The following SPG11 variants were observed in gnomAD, a reference collection of about 807,000 sequenced individuals.
The protein encoded by SPG11 is SPG11 vesicle trafficking associated, spatacsin.
In SPG11, 222 loss-of-function variants were observed where a neutral mutation model predicts 274.0. That is an observed-to-expected ratio of 0.81 (90% confidence interval 0.73 to 0.91). The LOEUF is 0.91. SPG11 is among the 40% of genes least tolerant of loss of function. SPG11 has a pLI of 0.00. For missense variants in SPG11, 3,114 were observed against 2,872.7 expected, an observed-to-expected ratio of 1.08 and a Z score of -1.92; for synonymous variants, 1,144 against 1,039.7, an observed-to-expected ratio of 1.10 and a Z score of -1.93.
At chr15:44,564,488 T>TTGTC in intron 39 of SPG11, 59 bp downstream of exon 39, 1 of 1,579,150 alleles carries the variant, frequency 6.3e-7, no homozygotes, top group Non-Finnish European at 8.7e-7. Context: ...ATTCTTACAC[T>TTGTC]TGTCTCACCT....
rs115223216 is a variant in SPG11, at chr15:44,621,622, C to T, written c.2620+137G>A. 678 of 837,222 alleles carry T rather than the reference C, an allele frequency of 8.1e-4. 2 individuals are homozygous for T. In the African/African-American group the frequency reaches 9.9e-3, roughly 12 times the overall value. The allele number at this position is 837,222 out of a possible 1,614,324, so 51.9% of individuals were successfully genotyped here. A position where few individuals can be genotyped will look rare whatever the true frequency, so the allele number is the denominator to read the frequency against. On this transcript the variant is annotated intron_variant, in intron 14 of 39. Transcript: ENST00000261866. ...AGATAAGAAAGAGATCTTAATGCAA[C>T]GACTTGCATTTTAAAGAACCTGAAT...
intron 35 of SPG11, among the ~76,000 whole-genome samples, chr15:44,567,831 G>A (rs1001338086): frequency 3.3e-5 from 5 of 152,246 alleles, no homozygotes; most frequent in East Asian, 1.9e-4. Context: ...AAATACACCC[G>A]CATAAGCTGA....
chr15:44,595,483 C>T (rs1214232077), intron 25 of SPG11, 24 bp from the exon 26 acceptor site: 2 of 1,610,410 alleles, frequency 1.2e-6, no homozygotes, highest in African/African-American at 1.3e-5. Context: ...AATAAAATAA[C>T]AACTAGGCCT....
chr15:44,659,276 A>G lies in SPG11; in HGVS notation c.470T>C (p.Leu157Pro). 2 of 1,614,024 alleles carry G rather than the reference A, an allele frequency of 1.2e-6. No homozygotes were observed. Among genetic ancestry groups the G allele is most frequent in the Non-Finnish European group, 1.7e-6 (2 of 1,179,834 alleles). ...TAATGATGTGTTATTGTGAAATGAC[A>G]GGATTCTCAAAGACAATAAGGAAAT... ...ISISLLSLRI[L>P]SFHNNTSLLF... Residue 157 changes from leucine to proline, a missense_variant, in exon 3 of 40, where the codon CTG becomes CCG. Leu to Pro is a moderately conservative substitution (Grantham distance 98, BLOSUM62 -3). Coordinates refer to ENST00000261866, the MANE Select transcript of SPG11 (RefSeq NM_025137.4).
chr15:44,592,229 A>C, intron 27 of SPG11, 102 bp downstream of exon 27: 2 of 742,936 alleles, frequency 2.7e-6, no homozygotes, highest in Admixed American at 3.9e-5. Flanking sequence ...ACTGTGCCTG[A>C]GTAACCGAGT....
chr15:44,655,045 T>C (rs367967193), intron 4 of SPG11, among the ~76,000 whole-genome samples: 3 of 152,204 alleles, frequency 2.0e-5, no homozygotes, highest in South Asian at 4.1e-4. Context: ...TGAGCCCTAG[T>C]GTTGTAAGCA....
intron 35 of SPG11, 73 bp from the exon 36 acceptor site, chr15:44,567,665 C>G (rs777412738): frequency 3.0e-5 from 45 of 1,521,618 alleles, no homozygotes; most frequent in Admixed American, 1.7e-4. Context: ...GCTGAGTCAC[C>G]TTGTTCTGCA....
At chr15:44,603,889 T>A (rs973756829) in intron 20 of SPG11, among the ~76,000 whole-genome samples, 5 of 152,188 alleles carry the variant, frequency 3.3e-5, no homozygotes, top group African/African-American at 4.8e-5. Context: ...TTCTTTTTTT[T>A]AAATTGTTTG....
chr15:44,652,304 A>G (rs745879431), intron 4 of SPG11, 38 bp from the exon 5 acceptor site: 2 of 1,611,418 alleles, frequency 1.2e-6, no homozygotes, highest in African/African-American at 2.7e-5. Flanking sequence ...TGAAAAAATG[A>G]TGATCAAACC....
At chr15:44,573,810 T>C (rs1255262860) in intron 31 of SPG11, 65 bp from the exon 32 acceptor site, 1 of 1,470,418 alleles carries the variant, frequency 6.8e-7, no homozygotes, top group Non-Finnish European at 9.5e-7. Context: ...AAGAGCCCTT[T>C]CTGAAATCTG....
At position 44,628,841 on chromosome 15, in the gene SPG11, A is replaced by C. The variant is rs1567174640; in HGVS notation, c.1895T>G (p.Leu632Arg). ...CACTCCTTTTTGCAGATGTTCATCT[A>C]GTTCTATGGAAAATACCAATGTGCC... ...IKELFIHTEELDEHLQKGVNI... is the reference protein window; with the variant it reads ...IKELFIHTEERDEHLQKGVNI... Residue 632 changes from leucine to arginine, a missense_variant, in exon 10 of 40, where the codon CTA (leucine) becomes CGA (arginine). Physicochemically the swap from Leu to Arg is moderately radical, Grantham distance 102 (BLOSUM62 -2). Coordinates refer to ENST00000261866, the MANE Select transcript of SPG11 (RefSeq NM_025137.4). 1 of 1,612,802 alleles carries C rather than the reference A, an allele frequency of 6.2e-7. No individual in the cohort carries two copies. The highest frequency in any genetic ancestry group is 8.5e-7 in the Non-Finnish European group (1 of 1,179,816).
chr15:44,629,470 A>G (rs1045986662), intron 8 of SPG11, 82 bp from the exon 9 acceptor site: 22 of 1,420,040 alleles, frequency 1.5e-5, no homozygotes, highest in Non-Finnish European at 1.9e-5. Flanking sequence ...ATCATGTTAC[A>G]ATATTTTTAA....
chr15:44,595,998 A>T, intron 25 of SPG11, 85 bp downstream of exon 25: 1 of 1,551,620 alleles, frequency 6.4e-7, no homozygotes, highest in Non-Finnish European at 8.8e-7. Context: ...TCATCACCCC[A>T]CTTCTGATTA....
chr15:44,660,314 G>A (rs968233284), intron 2 of SPG11, 118 bp downstream of exon 2: 14 of 831,102 alleles, frequency 1.7e-5, no homozygotes, highest in African/African-American at 1.7e-4. Flanking sequence ...TCTGCCTAGT[G>A]ACTACTATAT....
chr15:44,604,931 C>CA (rs908048525), intron 20 of SPG11, among the ~76,000 whole-genome samples: 7,196 of 22,432 alleles, frequency 0.32, 2,005 homozygotes, highest in Non-Finnish European at 0.38. Flanking sequence ...ACTCCATCTC[C>CA]AAAAAAAAAA....
intron 7 of SPG11, 96 bp downstream of exon 7, chr15:44,648,770 C>G (rs1433204641): frequency 7.2e-7 from 1 of 1,382,728 alleles, no homozygotes; most frequent in Non-Finnish European, 1.0e-6. Context: ...GTTCTTTTTG[C>G]TGCTAAATTA....
At position 44,628,696 on chromosome 15, in the gene SPG11, G is replaced by T. The variant is rs2083971429; in HGVS notation, c.2040C>A (p.Ser680Arg). The T allele has an allele frequency of 1.2e-6, 2 of 1,613,436 alleles. No individual in the cohort carries two copies. The highest frequency in any genetic ancestry group is 1.3e-5 in the African/African-American group (1 of 74,896). ...VHENVPKVKE[S>R]NIWKKLSFEE... ...CAAAGCTGAGTTTCTTCCATATATT[G>T]CTCTCCTTTACTTTGGGGACATTTT... The change falls in exon 10 of 40, where the codon AGC (serine) becomes AGA (arginine). Residue 680 changes from serine (S) to arginine (R), a missense_variant. Transcript: ENST00000261866.
At chr15:44,579,157 C>T (rs530248125) in intron 30 of SPG11, among the ~76,000 whole-genome samples, 11 of 151,604 alleles carry the variant, frequency 7.3e-5, no homozygotes, top group East Asian at 5.8e-4. Flanking sequence ...GACTCCATCT[C>T]GAAAAACAAA....
At chr15:44,599,498 C>A (rs1388130994) in intron 21 of SPG11, among the ~76,000 whole-genome samples, 1 of 152,054 alleles carries the variant, frequency 6.6e-6, no homozygotes, top group Non-Finnish European at 1.5e-5. Flanking sequence ...CAGGGTTTCA[C>A]CATATTGGCC....
Sources: allele counts gnomAD v4.1 joint callset (sites outside exome capture counted in the v4.1 genomes callset), GRCh38; gene constraint gnomAD v4.1.1; transcripts MANE v1.5; gene names NCBI Gene and HGNC (gene_info 2026-07-23, HGNC 2026-07-21).